Variants in TUBB8 observed in about 807,000 individuals in gnomAD.
TUBB8 encodes tubulin beta 8 class VIII.
A neutral mutation model predicts 33.7 loss-of-function variants in TUBB8; 25 were observed. The observed-to-expected ratio is 0.74, with a 90% CI of 0.54 to 1.04. The LOEUF is 1.04. Ranked by LOEUF, TUBB8 falls within the 50% of genes least tolerant of loss-of-function variation. The probability of loss-of-function intolerance (pLI) is 0.00; values close to 1 mark genes in which losing one functional copy is unlikely to be tolerated. For synonymous variants in TUBB8, 245 were observed against 240.1 expected (o/e 1.02, Z -0.19); for missense variants, 279 against 608.0 (o/e 0.46, Z 5.69).
At chr10:53,374 C>T (rs1170995135), upstream of TUBB8, among the ~76,000 whole-genome samples, 18 of 152,196 alleles carry the variant, frequency 1.2e-4, no homozygotes, top group Admixed American at 7.9e-4. Context: ...GTGATCTGCC[C>T]ACCTTGGCCT....
intron 1 of TUBB8, among the ~76,000 whole-genome samples, chr10:60,166 T>C (rs1475799146): frequency 6.6e-6 from 1 of 152,172 alleles, no homozygotes; most frequent in Admixed American, 6.5e-5. Context: ...GTTTGGCCTT[T>C]TTATTCTAGT....
chr10:65,098 A>G (rs1381543042), intron 1 of TUBB8, among the ~76,000 whole-genome samples: 2 of 152,320 alleles, frequency 1.3e-5, no homozygotes, highest in East Asian at 1.9e-4. Context: ...CTATAAGCCA[A>G]GACTGTGCCA....
At chr10:69,735 A>G (rs553436778) in intron 1 of TUBB8, among the ~76,000 whole-genome samples, 152 of 152,328 alleles carry the variant, frequency 1.0e-3, no homozygotes, top group Admixed American at 2.2e-3. Context: ...TCTCTACAAA[A>G]AAAATACAAA....
chr10:65,031 C>G (rs1234249155), intron 1 of TUBB8, among the ~76,000 whole-genome samples: 1 of 151,790 alleles, frequency 6.6e-6, no homozygotes, highest in African/African-American at 2.4e-5. Context: ...ACCTGTGTTC[C>G]CAGCTACTTG....
chr10:66,570 G>T (rs1292250663), intron 1 of TUBB8, among the ~76,000 whole-genome samples: 2 of 121,074 alleles, frequency 1.7e-5, no homozygotes, highest in Non-Finnish European at 3.5e-5. Flanking sequence ...GATTGCTTGA[G>T]CCCAGGAGGT....
At chr10:53,757 A>C (rs1216040535), upstream of TUBB8, among the ~76,000 whole-genome samples, 1 of 152,278 alleles carries the variant, frequency 6.6e-6, no homozygotes, top group Admixed American at 6.5e-5. Flanking sequence ...TTATAAACTA[A>C]AAATTAATTT....
intron 1 of TUBB8, among the ~76,000 whole-genome samples, chr10:59,564 T>C (rs1397740025): frequency 6.6e-6 from 1 of 152,242 alleles, no homozygotes; most frequent in East Asian, 1.9e-4. Context: ...TGGGATAAAT[T>C]CCCCTTGGTC....
At chr10:57,140 G>A (rs1407098655) in intron 1 of TUBB8, among the ~76,000 whole-genome samples, 5 of 152,204 alleles carry the variant, frequency 3.3e-5, no homozygotes, top group African/African-American at 1.2e-4. Context: ...CATTTCCAGG[G>A]CACACTAATG....
chr10:67,710 C>T (rs1450175654), intron 1 of TUBB8, among the ~76,000 whole-genome samples: 3 of 152,204 alleles, frequency 2.0e-5, no homozygotes, highest in Admixed American at 6.5e-5. Flanking sequence ...CAGGCGTGAG[C>T]CACCATGCTC....
rs782032421 is a variant in TUBB8 at position 47,240 on chromosome 10, C to T, written c.1152G>A (p.Gln384=). Residue 384 remains glutamine (Q), a synonymous_variant, in exon 4 of 4, where the codon CAG becomes CAA. Coordinates refer to ENST00000568584, the MANE Select transcript of TUBB8 (RefSeq NM_177987.3). ...IQELFKRVSE[Q]FTAMFRRKAF... is the part of the protein sequence containing the mutation. ...CCTTGCGCCTGAACATTGCTGTAAA[C>T]TGCTCTGAGACACGCTTGAAGAGTT... is the stretch of plus-strand genomic sequence containing the variant. 1.9e-6 allele frequency: 3 copies of T among 1,603,304 alleles called. No individual in the cohort carries two copies. The South Asian group carries it at 3.3e-5, about 18-fold the overall frequency.
intron 1 of TUBB8, among the ~76,000 whole-genome samples, chr10:57,707 A>T (rs1554740356): frequency 7.2e-5 from 11 of 152,178 alleles, no homozygotes; most frequent in Non-Finnish European, 1.5e-5. Context: ...GATCCCAGAA[A>T]CTATTCTCTT....
upstream of TUBB8, among the ~76,000 whole-genome samples, chr10:51,322 TG>T: frequency 6.6e-6 from 1 of 152,164 alleles, no homozygotes; most frequent in East Asian, 1.9e-4. Context: ...TCGGCCAGGC[TG>T]GCCTCAATCT....
intron 1 of TUBB8, among the ~76,000 whole-genome samples, chr10:69,839 C>T (rs1402517281): frequency 3.3e-5 from 5 of 152,174 alleles, no homozygotes; most frequent in African/African-American, 9.7e-5. Flanking sequence ...TGCAGTGAGC[C>T]GAGATGGTGC....
chr10:71,490 G>T (rs868990911), intron 1 of TUBB8, among the ~76,000 whole-genome samples: 1 of 146,016 alleles, frequency 6.8e-6, no homozygotes, highest in Admixed American at 6.8e-5. Flanking sequence ...AAAATTAGCC[G>T]CATGCCTGTA....
intron 1 of TUBB8, among the ~76,000 whole-genome samples, chr10:62,075 T>C (rs1342473808): frequency 1.3e-5 from 2 of 152,200 alleles, no homozygotes; most frequent in Admixed American, 6.5e-5. Flanking sequence ...GATTGGAGTA[T>C]TTCATTCATG....
intron 1 of TUBB8, among the ~76,000 whole-genome samples, chr10:70,321 T>C (rs1301302759): frequency 7.9e-5 from 12 of 152,230 alleles, no homozygotes; most frequent in Middle Eastern, 3.4e-3. Context: ...TTAGGGTACA[T>C]GTGCACAATG....
intron 1 of TUBB8, among the ~76,000 whole-genome samples, chr10:57,429 C>T (rs1834545804): frequency 6.6e-6 from 1 of 152,246 alleles, no homozygotes; most frequent in Non-Finnish European, 1.5e-5. Flanking sequence ...AAGGGCTCCA[C>T]CCCTGCAGCA....
At chr10:52,044 A>C (rs1329042487), upstream of TUBB8, among the ~76,000 whole-genome samples, 2 of 152,204 alleles carry the variant, frequency 1.3e-5, no homozygotes, top group African/African-American at 4.8e-5. Context: ...CAAAAAGAGA[A>C]AGTGGCAAAC....
chr10:67,244 G>T lies in TUBB8; in HGVS notation c.-846+6725C>A, dbSNP rs1433853887. Among the ~76,000 whole-genome samples the T allele has an allele frequency of 2.0e-5, 3 of 151,820 alleles. No homozygotes were observed. The East Asian group carries it at 5.8e-4, about 29-fold the overall frequency. Reference sequence around the variant, plus strand: ...TCAGCCTGTTGATTTCTGCCAAAAGGACGTTGGGATTGTAACAGGAATCAC... The same window carrying T: ...TCAGCCTGTTGATTTCTGCCAAAAGTACGTTGGGATTGTAACAGGAATCAC... On this transcript the variant is annotated intron_variant, in intron 1 of 3. Transcript: ENST00000564130.
Sources: allele counts gnomAD v4.1 joint callset (sites outside exome capture counted in the v4.1 genomes callset), GRCh38; gene constraint gnomAD v4.1.1; transcripts MANE v1.5; gene names NCBI Gene and HGNC (gene_info 2026-07-23, HGNC 2026-07-21).